Variants in PTPRT observed in about 807,000 individuals in gnomAD.
The protein encoded by PTPRT is protein tyrosine phosphatase receptor type T.
A neutral mutation model predicts 176.8 loss-of-function variants in PTPRT; 56 were observed. The observed-to-expected ratio is 0.32, with a 90% CI of 0.26 to 0.40. PTPRT has a LOEUF of 0.40. Ranked by LOEUF, PTPRT falls within the 10% of genes least tolerant of loss-of-function variation. The pLI, the probability that PTPRT is intolerant of heterozygous loss-of-function variation, is 1.00. For synonymous variants in PTPRT, 783 were observed against 739.0 expected (o/e 1.06, Z -0.96); for missense variants, 1,540 against 1,908.2 (o/e 0.81, Z 3.60).
intron 12 of PTPRT, among the ~76,000 whole-genome samples, chr20:42,296,420 T>C (rs998399964): frequency 3.4e-5 from 5 of 146,282 alleles, no homozygotes; most frequent in Non-Finnish European, 5.9e-5. Context: ...CACTCCAGCC[T>C]GGGTAACACA....
intron 1 of PTPRT, among the ~76,000 whole-genome samples, chr20:43,183,012 G>A (rs777906296): frequency 6.6e-5 from 10 of 152,050 alleles, no homozygotes; most frequent in Non-Finnish European, 8.8e-5. Context: ...AAAGTTATTC[G>A]TGTCTTTAAT....
At position 42,785,334 on chromosome 20, in the gene PTPRT, C is replaced by T. The variant is rs570921986; in HGVS notation, c.487-5035G>A. ...AAGTCAATTTTAGAACTATAAAATA[C>T]GACTTTAATAAATTAATACATAAAC... is the stretch of plus-strand genomic sequence containing the variant. On this transcript the variant is annotated intron_variant, in intron 3 of 30. Transcript: ENST00000373187. Among the ~76,000 whole-genome samples the T allele has an allele frequency of 4.3e-4, 66 of 152,230 alleles. 1 individual carries two copies. Among genetic ancestry groups the T allele is most frequent in the African/African-American group, 9.4e-4 (39 of 41,528 alleles).
At chr20:42,705,205 C>T (rs1407235189) in intron 6 of PTPRT, among the ~76,000 whole-genome samples, 5 of 151,886 alleles carry the variant, frequency 3.3e-5, no homozygotes, top group Non-Finnish European at 7.4e-5. Flanking sequence ...AATTGTATCT[C>T]GAAATAATAA....
At chr20:42,363,105 GA>G (rs71193658) in intron 9 of PTPRT, among the ~76,000 whole-genome samples, 1,680 of 47,124 alleles carry the variant, frequency 0.036, 12 homozygotes, top group African/African-American at 0.082. Context: ...CTCCATTTCA[GA>G]AAAAAAAAAA....
chr20:42,123,022 C>G (rs774693831), intron 19 of PTPRT, among the ~76,000 whole-genome samples: 1 of 152,142 alleles, frequency 6.6e-6, no homozygotes, highest in Non-Finnish European at 1.5e-5. Context: ...ATTCCATGTG[C>G]TGCAGTAAAT....
At chr20:42,469,578 G>A (rs2071158721) in intron 8 of PTPRT, among the ~76,000 whole-genome samples, 1 of 152,202 alleles carries the variant, frequency 6.6e-6, no homozygotes, top group South Asian at 2.1e-4. Flanking sequence ...CTTGGCTCCA[G>A]AGTGTACATT....
At chr20:42,123,438 AC>A in intron 19 of PTPRT, among the ~76,000 whole-genome samples, 1 of 152,336 alleles carries the variant, frequency 6.6e-6, no homozygotes, top group Middle Eastern at 3.4e-3. Flanking sequence ...ATAGACATCA[AC>A]AGACTGGGGT....
At chr20:42,318,902 C>G (rs971993954) in intron 11 of PTPRT, among the ~76,000 whole-genome samples, 1 of 152,236 alleles carries the variant, frequency 6.6e-6, no homozygotes, top group East Asian at 1.9e-4. Flanking sequence ...CTGGCCCTCC[C>G]GTGATGGGAT....
Position 42,721,806 on chromosome 20 carries a change from C to G in PTPRT, c.859+34656G>C, listed in dbSNP as rs552828469. The stretch of plus-strand genomic sequence containing the variant: ...CAGGTGCATCCCTCACCTCCATCTC[C>G]TAATTGCACAGACACCTCCCTCCAC... On this transcript the variant is annotated intron_variant, in intron 6 of 30. Coordinates refer to ENST00000373187, the MANE Select transcript of PTPRT (RefSeq NM_007050.6). Among the ~76,000 whole-genome samples the G allele has an allele frequency of 2.0e-5, 3 of 152,336 alleles. No homozygotes were observed. The East Asian group carries it at 5.8e-4, about 29-fold the overall frequency.
At chr20:42,415,929 G>C (rs1211554861) in intron 9 of PTPRT, among the ~76,000 whole-genome samples, 1 of 152,166 alleles carries the variant, frequency 6.6e-6, no homozygotes, top group Non-Finnish European at 1.5e-5. Context: ...AAAGAGGTTA[G>C]AATGCAACAT....
intron 1 of PTPRT, among the ~76,000 whole-genome samples, chr20:43,018,096 T>C (rs577285231): frequency 6.6e-6 from 1 of 152,268 alleles, no homozygotes; most frequent in South Asian, 2.1e-4. Flanking sequence ...TTCAGAGAGG[T>C]TGAGGGATTT....
At chr20:42,052,307 A>G in the PTPRT span, among the ~76,000 whole-genome samples, 4 of 151,910 alleles carry the variant, frequency 2.6e-5, no homozygotes, top group Non-Finnish European at 5.9e-5. Context: ...CATGAGACCT[A>G]TTTTCCCAGG....
chr20:42,733,382 C>T (rs1259308041), intron 6 of PTPRT, among the ~76,000 whole-genome samples: 1 of 152,196 alleles, frequency 6.6e-6, no homozygotes, highest in African/African-American at 2.4e-5. Flanking sequence ...CCACGGCATG[C>T]GCTGCTCTTT....
At chr20:42,499,230 T>G (rs1285926510) in intron 7 of PTPRT, among the ~76,000 whole-genome samples, 2 of 152,132 alleles carry the variant, frequency 1.3e-5, no homozygotes, top group Non-Finnish European at 1.5e-5. Context: ...TATATTTGCT[T>G]ACATTTCTCT....
At chr20:42,885,111 T>C (rs1488654145) in intron 2 of PTPRT, among the ~76,000 whole-genome samples, 5 of 149,094 alleles carry the variant, frequency 3.4e-5, no homozygotes, top group Non-Finnish European at 5.9e-5. Context: ...AATGTCAGGA[T>C]GTTTACCTTA....
At chr20:42,687,076 C>G (rs1018533907) in intron 6 of PTPRT, 2 of 152,166 alleles carry the variant, frequency 1.3e-5, no homozygotes, top group African/African-American at 4.8e-5. Flanking sequence ...ACAGTTCCTA[C>G]ACGTAACAAG....
intron 9 of PTPRT, among the ~76,000 whole-genome samples, chr20:42,362,282 A>C (rs2058441505): frequency 6.6e-6 from 1 of 152,134 alleles, no homozygotes; most frequent in Non-Finnish European, 1.5e-5. Flanking sequence ...AACAAAAGTA[A>C]AAAATAAAAA....
chr20:42,097,472 T>C (rs1341942266), intron 27 of PTPRT, among the ~76,000 whole-genome samples: 2 of 152,206 alleles, frequency 1.3e-5, no homozygotes, highest in Non-Finnish European at 2.9e-5. Context: ...TCACCTTCTT[T>C]TTGAAGTCTT....
At chr20:42,409,481 CAAAA>C (rs58932390) in intron 9 of PTPRT, among the ~76,000 whole-genome samples, 1 of 112,144 alleles carries the variant, frequency 8.9e-6, no homozygotes, top group African/African-American at 3.6e-5. Context: ...GACTCTGTCG[CAAAA>C]AAAAAAAAAA....
Sources: allele counts gnomAD v4.1 joint callset (sites outside exome capture counted in the v4.1 genomes callset), GRCh38; gene constraint gnomAD v4.1.1; transcripts MANE v1.5; gene names NCBI Gene and HGNC (gene_info 2026-07-23, HGNC 2026-07-21).